RAB1A: variants seen among roughly 807,000 people sequenced by gnomAD.
The protein encoded by RAB1A is RAB1A, member RAS oncogene family.
Under a neutral mutation model 26.0 loss-of-function variants are expected in RAB1A, and 2 were observed. That is an observed-to-expected ratio of 0.08 (90% CI 0.03 to 0.24). The LOEUF is 0.24. RAB1A is among the 10% of genes least tolerant of loss of function. RAB1A has a pLI of 1.00. For synonymous variants in RAB1A, 84 were observed against 84.9 expected, an observed-to-expected ratio of 0.99 and a Z score of 0.06; for missense variants, 100 against 247.0, an observed-to-expected ratio of 0.40 and a Z score of 3.99.
At chr2:65,122,450 C>G (rs1669988887) in intron 1 of RAB1A, among the ~76,000 whole-genome samples, 2 of 150,512 alleles carry the variant, frequency 1.3e-5, no homozygotes. Flanking sequence ...CTCAGCTACT[C>G]AGGAGGCTGA....
At chr2:65,118,774 G>A (rs988009427) in intron 1 of RAB1A, among the ~76,000 whole-genome samples, 6 of 151,888 alleles carry the variant, frequency 4.0e-5, no homozygotes, top group East Asian at 2.0e-4. Flanking sequence ...CCCCGCACCC[G>A]GCCCAAAGGG....
At chr2:65,109,205 AT>A (rs780305025) in intron 1 of RAB1A, among the ~76,000 whole-genome samples, 5 of 152,236 alleles carry the variant, frequency 3.3e-5, no homozygotes, top group Non-Finnish European at 7.3e-5. Flanking sequence ...CACAGTAAAA[AT>A]GTTGATAGAA....
intron 1 of RAB1A, 33 bp downstream of exon 1, chr2:65,129,860 G>A (rs1480789058): frequency 4.4e-6 from 7 of 1,586,342 alleles, no homozygotes; most frequent in Admixed American, 3.6e-5. Flanking sequence ...GCTGGCCCAC[G>A]GACCCAGCCG....
At chr2:65,102,277 T>G (rs1003269490) in intron 2 of RAB1A, among the ~76,000 whole-genome samples, 5 of 152,160 alleles carry the variant, frequency 3.3e-5, no homozygotes, top group African/African-American at 1.2e-4. Flanking sequence ...TTTTCTTATT[T>G]TAAAAAATAC....
At chr2:65,104,909 ACTACATCTC>A in intron 1 of RAB1A, 103 bp from the exon 2 acceptor site, 1 of 961,672 alleles carries the variant, frequency 1.0e-6, no homozygotes, top group Admixed American at 1.7e-5. Context: ...CACTGTGAAG[ACTACATCTC>A]CTATAAAGCC....
At chr2:65,093,082 T>C (rs1408037617) in intron 3 of RAB1A, among the ~76,000 whole-genome samples, 2 of 152,170 alleles carry the variant, frequency 1.3e-5, no homozygotes, top group South Asian at 4.2e-4. Context: ...TTTGGTCAGT[T>C]CCTTGTGGCA....
At chr2:65,119,340 T>C (rs984062685) in intron 1 of RAB1A, among the ~76,000 whole-genome samples, 5 of 152,028 alleles carry the variant, frequency 3.3e-5, no homozygotes, top group African/African-American at 1.2e-4. Context: ...ACCCAGTCTC[T>C]ACTAAAAATA....
Position 65,088,564 on chromosome 2 carries a change from C to T in RAB1A, c.547G>A (p.Gly183Ser). 3 of 1,613,712 alleles carry T rather than the reference C, an allele frequency of 1.9e-6. No individual in the cohort carries two copies. The highest frequency in any genetic ancestry group is 2.5e-6 in the Non-Finnish European group (3 of 1,179,802). The change falls in exon 6 of 6, where the codon GGT becomes AGT. Residue 183 changes from glycine to serine, a missense_variant. By Grantham distance (56) the Gly-to-Ser change is moderately conservative (BLOSUM62 0). Around this residue, in one of 2 missense-constraint regions of RAB1A, gnomAD observed 67 missense variants for 122.9 expected, o/e 0.55. Transcript: ENST00000409784. Reference protein sequence around the residue: ...KKRMGPGATAGGAEKSNVKIQ... With the variant: ...KKRMGPGATASGAEKSNVKIQ... The stretch of plus-strand genomic sequence containing the variant: ...TTAACATTGGACTTCTCAGCACCAC[C>T]AGCTGTTGCTCCGGGACCCATTCGC...
chr2:65,092,165 C>T (rs1190888305), intron 3 of RAB1A, among the ~76,000 whole-genome samples: 2 of 151,754 alleles, frequency 1.3e-5, no homozygotes, highest in Admixed American at 1.3e-4. Context: ...CCCAGCTACT[C>T]GAGAGGCTGA....
chr2:65,127,288 T>C (rs1056297266), intron 1 of RAB1A, among the ~76,000 whole-genome samples: 3 of 152,120 alleles, frequency 2.0e-5, no homozygotes, highest in African/African-American at 4.8e-5. Context: ...CCAAATCTAA[T>C]TGCTGATAAA....
At chr2:65,099,371 G>A (rs1244135848) in intron 2 of RAB1A, among the ~76,000 whole-genome samples, 1 of 152,054 alleles carries the variant, frequency 6.6e-6, no homozygotes, top group South Asian at 2.1e-4. Flanking sequence ...TATTCAGAAT[G>A]GAATAAAAAT....
chr2:65,087,930 C>G lies in RAB1A; in HGVS notation c.*563G>C, dbSNP rs1212637935. The G allele has an allele frequency of 6.5e-6, 1 of 152,744 alleles. No homozygotes were observed. Among genetic ancestry groups the G allele is most frequent in the Non-Finnish European group, 1.5e-5 (1 of 68,108 alleles). 9.5% of individuals were successfully genotyped at this position (152,744 alleles called of 1,614,324 possible). A position where few individuals can be genotyped will look rare whatever the true frequency, so the allele number is the denominator to read the frequency against. ...AAACATATCTTCAGTTGTTTTGTTA[C>G]ATAGTGTGCAACAAATTACAATATT... On this transcript the variant is annotated 3_prime_UTR_variant, in exon 6 of 6. Coordinates refer to ENST00000409784, the MANE Select transcript of RAB1A (RefSeq NM_004161.5).
chr2:65,125,591 T>C (rs906600336), intron 1 of RAB1A, among the ~76,000 whole-genome samples: 7 of 151,762 alleles, frequency 4.6e-5, no homozygotes, highest in Non-Finnish European at 8.8e-5. Context: ...CCAGCTAATT[T>C]TTGTATTTTT....
chr2:65,098,980 G>A (rs773083944), intron 2 of RAB1A, among the ~76,000 whole-genome samples: 2 of 151,754 alleles, frequency 1.3e-5, no homozygotes, highest in African/African-American at 2.4e-5. Context: ...GGGACTACAG[G>A]CGTGCATCAC....
At position 65,086,994 on chromosome 2, in the gene RAB1A, A is replaced by T. The variant is rs555788919; in HGVS notation, c.*1499T>A. ...GCCTGTTTAGTGAAAAATAAAAATT[A>T]AAAAAACCTATTCATTTTTGGCTTG... On this transcript the variant is annotated 3_prime_UTR_variant, in exon 6 of 6. Coordinates refer to ENST00000409784, the MANE Select transcript of RAB1A (RefSeq NM_004161.5). 2.6e-5 allele frequency: 4 copies of T among 152,550 alleles called. No individual in the cohort carries two copies. Among genetic ancestry groups the T allele is most frequent in the East Asian group, 1.9e-4 (1 of 5,196 alleles). The allele number at this position is 152,550 out of a possible 1,614,324, so 9.4% of individuals were successfully genotyped here.
chr2:65,116,572 C>T (rs1303383842), intron 1 of RAB1A, among the ~76,000 whole-genome samples: 1 of 152,214 alleles, frequency 6.6e-6, no homozygotes, highest in Non-Finnish European at 1.5e-5. Context: ...CTGGCACATA[C>T]AGAAGCACAG....
chr2:65,121,091 TA>T (rs955641691), intron 1 of RAB1A, among the ~76,000 whole-genome samples: 3 of 150,542 alleles, frequency 2.0e-5, no homozygotes, highest in Non-Finnish European at 4.4e-5. Flanking sequence ...TCTCATCTCT[TA>T]AAAAAAAATT....
At chr2:65,095,950 G>A (rs568398103) in intron 3 of RAB1A, among the ~76,000 whole-genome samples, 198 of 152,124 alleles carry the variant, frequency 1.3e-3, no homozygotes, top group African/African-American at 4.7e-3. Context: ...TCAGGAGTTC[G>A]AGACCAGCCT....
chr2:65,127,456 G>A (rs1306256481), intron 1 of RAB1A, among the ~76,000 whole-genome samples: 2 of 150,788 alleles, frequency 1.3e-5, no homozygotes, highest in Admixed American at 6.6e-5. Context: ...TTTCTGCCGG[G>A]CGCGGTGGCT....
Sources: gnomAD v4.1 joint callset for allele counts (sites outside exome capture counted in the v4.1 genomes callset) on GRCh38, gnomAD v4.1.1 for gene constraint, gnomAD v4.1.1 regional missense constraint, MANE v1.5 for transcripts, NCBI Gene and HGNC (gene_info 2026-07-23, HGNC 2026-07-21) for gene names.